CAMTA1: variants seen among roughly 807,000 people sequenced by gnomAD.
CAMTA1 encodes the protein calmodulin-binding transcription activator 1.
Under a neutral mutation model 170.9 loss-of-function variants are expected in CAMTA1, and 27 were observed. The observed-to-expected ratio is 0.16, with a 90% CI of 0.12 to 0.22. The LOEUF is 0.22. Ranked by LOEUF, CAMTA1 falls within the 10% of genes least tolerant of loss-of-function variation. CAMTA1 has a pLI of 1.00. For synonymous variants in CAMTA1, 833 were observed against 891.5 expected, an observed-to-expected ratio of 0.93 and a Z score of 1.17; for missense variants, 1,619 against 2,217.2, an observed-to-expected ratio of 0.73 and a Z score of 5.42.
intron 3 of CAMTA1, among the ~76,000 whole-genome samples, chr1:6,982,458 A>G (rs1694591991): frequency 6.6e-6 from 1 of 152,192 alleles, no homozygotes; most frequent in South Asian, 2.1e-4. Flanking sequence ...TGCCTGTGAC[A>G]TGGAGAGCGG....
chr1:7,253,690 C>T (rs917195923), intron 5 of CAMTA1, among the ~76,000 whole-genome samples: 5 of 152,188 alleles, frequency 3.3e-5, no homozygotes, highest in East Asian at 1.9e-4. Flanking sequence ...TCTTGCCCTA[C>T]GTCATACCTC....
intron 5 of CAMTA1, among the ~76,000 whole-genome samples, chr1:7,375,607 C>T (rs537929409): frequency 9.7e-4 from 147 of 152,330 alleles, no homozygotes; most frequent in African/African-American, 3.4e-3. Flanking sequence ...CCCATCTTCC[C>T]GTCTGGAGCA....
chr1:7,136,780 G>C (rs76373134), intron 4 of CAMTA1, among the ~76,000 whole-genome samples: 1 of 152,092 alleles, frequency 6.6e-6, no homozygotes, highest in African/African-American at 2.4e-5. Flanking sequence ...CCTCTTCCTC[G>C]TGAAACCGCT....
rs77538507 is a variant in CAMTA1, at chr1:7,696,828, C to T, written c.2914+19095C>T. On this transcript the variant is annotated intron_variant, in intron 11 of 22. Coordinates refer to ENST00000303635, the MANE Select transcript of CAMTA1 (RefSeq NM_015215.4). The stretch of plus-strand genomic sequence containing the variant: ...GCCGTGGCAGCCCATACACTCTGCA[C>T]GGGAGGATCTGTGAGCCCTTAGCCA... Among the ~76,000 whole-genome samples the T allele has an allele frequency of 6.2e-3, 950 of 152,228 alleles. 5 individuals are homozygous for T. Among genetic ancestry groups the T allele is most frequent in the Middle Eastern group, 0.01 (3 of 294 alleles).
intron 1 of CAMTA1, among the ~76,000 whole-genome samples, chr1:6,819,389 C>G (rs1646230122): frequency 6.6e-6 from 1 of 151,958 alleles, no homozygotes; most frequent in Non-Finnish European, 1.5e-5. Context: ...AGCCAGAGAC[C>G]TTGTTTCTTT....
At chr1:7,376,721 G>A (rs2086868690) in intron 5 of CAMTA1, among the ~76,000 whole-genome samples, 1 of 152,166 alleles carries the variant, frequency 6.6e-6, no homozygotes, top group Non-Finnish European at 1.5e-5. Context: ...GTGGAGCTAG[G>A]ACTTGAACCT....
chr1:7,175,546 G>A lies in CAMTA1; in HGVS notation c.303-73945G>A, dbSNP rs147206132. ...TAAGCCATAAGCAGAATTAAAGTGC[G>A]GAATCCCAGCCTTTCCAAATAGTGC... On this transcript the variant is annotated intron_variant, in intron 4 of 22. Coordinates refer to ENST00000303635, the MANE Select transcript of CAMTA1 (RefSeq NM_015215.4). 2.1e-3 allele frequency among the ~76,000 whole-genome samples: 327 copies of A among 152,356 alleles called. 8 individuals are homozygous for A. In the East Asian group the frequency reaches 0.035, roughly 16 times the overall value.
At chr1:7,104,004 AAC>A (rs374485445) in intron 4 of CAMTA1, among the ~76,000 whole-genome samples, 6,849 of 150,880 alleles carry the variant, frequency 0.045, 524 homozygotes, top group African/African-American at 0.16. Context: ...ACATGAACAC[AAC>A]ACACTACACA....
At chr1:6,876,637 A>G (rs896846401) in intron 3 of CAMTA1, among the ~76,000 whole-genome samples, 1 of 152,172 alleles carries the variant, frequency 6.6e-6, no homozygotes, top group Non-Finnish European at 1.5e-5. Flanking sequence ...TGCTGGGATT[A>G]CCGTGGTGAG....
chr1:7,358,860 T>C (rs61782275), intron 5 of CAMTA1, among the ~76,000 whole-genome samples: 1 of 152,132 alleles, frequency 6.6e-6, no homozygotes, highest in East Asian at 1.9e-4. Flanking sequence ...TGGCCCCGGC[T>C]TTGTCTCCTC....
In CAMTA1 at chr1:7,663,429, A is replaced by G. The variant is rs1319502901; in HGVS notation, c.882A>G (p.Thr294=). 7 of 1,569,362 alleles carry G rather than the reference A, an allele frequency of 4.5e-6. No individual in the cohort carries two copies. Among genetic ancestry groups the G allele is most frequent in the South Asian group, 2.3e-5 (2 of 85,128 alleles). The change falls in exon 9 of 23, where the codon ACA becomes ACG. Residue 294 remains threonine (T), a synonymous_variant. Coordinates refer to ENST00000303635, the MANE Select transcript of CAMTA1 (RefSeq NM_015215.4). ...TCTCGCCCAAGGTGGAGCCACGGAC[A>G]GGGGGGTACGGGAGCCACTCGGAGG... ...RIISPKVEPR[T]GGYGSHSEVQ... is the part of the protein sequence containing the mutation.
intron 5 of CAMTA1, among the ~76,000 whole-genome samples, chr1:7,266,840 G>T (rs984521172): frequency 1.3e-5 from 2 of 152,190 alleles, no homozygotes; most frequent in Non-Finnish European, 2.9e-5. Context: ...TTGCTCTACT[G>T]CCAGAAAGGG....
intron 3 of CAMTA1, among the ~76,000 whole-genome samples, chr1:6,852,853 G>A (rs372827430): frequency 1.3e-5 from 2 of 152,338 alleles, no homozygotes; most frequent in East Asian, 3.9e-4. Flanking sequence ...AGGTGGTGGG[G>A]TGGGGAGCAG....
intron 5 of CAMTA1, among the ~76,000 whole-genome samples, chr1:7,425,012 C>T (rs74902209): frequency 0.015 from 2,240 of 152,182 alleles, 63 homozygotes; most frequent in African/African-American, 0.051. Flanking sequence ...CTCGGGGAAT[C>T]CAATCTGTGC....
At chr1:7,184,482 A>G (rs1022689488) in intron 4 of CAMTA1, among the ~76,000 whole-genome samples, 1 of 152,166 alleles carries the variant, frequency 6.6e-6, no homozygotes, top group African/African-American at 2.4e-5. Flanking sequence ...TTTGTACCCC[A>G]TGCATATATA....
chr1:7,650,102 C>T (rs2095838908), intron 7 of CAMTA1, among the ~76,000 whole-genome samples: 1 of 152,178 alleles, frequency 6.6e-6, no homozygotes, highest in Non-Finnish European at 1.5e-5. Context: ...ATGGAAGCAT[C>T]CAGAATCCCA....
intron 6 of CAMTA1, among the ~76,000 whole-genome samples, chr1:7,575,698 T>C (rs573665427): frequency 6.7e-6 from 1 of 150,190 alleles, no homozygotes; most frequent in African/African-American, 2.4e-5. Context: ...AAGAGTGCAG[T>C]GATTGATTAG....
intron 3 of CAMTA1, among the ~76,000 whole-genome samples, chr1:7,001,208 A>C (rs1022142665): frequency 3.3e-5 from 5 of 152,102 alleles, no homozygotes; most frequent in Admixed American, 6.5e-5. Flanking sequence ...ACTTCTCACC[A>C]TTTCATAATC....
intron 6 of CAMTA1, among the ~76,000 whole-genome samples, chr1:7,485,887 T>G (rs1219796247): frequency 6.6e-6 from 1 of 152,220 alleles, no homozygotes; most frequent in African/African-American, 2.4e-5. Flanking sequence ...ACAGCACTTT[T>G]AACACTCCAG....
Sources: gnomAD v4.1 joint callset for allele counts (sites outside exome capture counted in the v4.1 genomes callset) on GRCh38, gnomAD v4.1.1 for gene constraint, MANE v1.5 for transcripts, NCBI Gene and HGNC (gene_info 2026-07-23, HGNC 2026-07-21) for gene names.